PTP4A1: variants seen among roughly 807,000 people sequenced by gnomAD.
PTP4A1 encodes protein tyrosine phosphatase type IVA 1.
PTP4A1 carries 9 observed loss-of-function variants against 20.5 expected under a neutral mutation model. That is an observed-to-expected ratio of 0.44 (90% CI 0.26 to 0.77). The LOEUF is 0.77. Ranked by LOEUF, PTP4A1 falls within the 30% of genes least tolerant of loss-of-function variation. PTP4A1 has a pLI of 0.19. For synonymous variants in PTP4A1, 78 were observed against 67.4 expected (o/e 1.16, Z -0.77); for missense variants, 137 against 218.8 (o/e 0.63, Z 2.36).
Position 63,581,090 on chromosome 6 carries a change from T to C in PTP4A1, c.*916T>C, listed in dbSNP as rs538473796. The C allele has an allele frequency of 6.6e-6, 1 of 152,326 alleles. No individual in the cohort carries two copies. The highest frequency in any genetic ancestry group is 2.1e-4 in the South Asian group (1 of 4,830). The allele number at this position is 152,326 out of a possible 1,614,324, so 9.4% of individuals were successfully genotyped here. On this transcript the variant is annotated 3_prime_UTR_variant, in exon 6 of 6. Transcript: ENST00000626021. ...CTTCCTGAAATTCTTGTAATTTTTTTCCCATACTTATCAGAAGTGTGTTTA... is the reference window on the plus strand; with the variant it reads ...CTTCCTGAAATTCTTGTAATTTTTTCCCCATACTTATCAGAAGTGTGTTTA...
In PTP4A1 at chr6:63,572,667, T is replaced by C. The variant is rs1440326209; in HGVS notation, c.-498T>C. Reference sequence around the variant, plus strand: ...CGCCACCGCCTGTGTCGCCGCCGCCTCGGGACCGGCTGTATGATTAGGCCA... The same window carrying C: ...CGCCACCGCCTGTGTCGCCGCCGCCCCGGGACCGGCTGTATGATTAGGCCA... On this transcript the variant is annotated 5_prime_UTR_variant, in exon 1 of 6. Coordinates refer to ENST00000626021, the MANE Select transcript of PTP4A1 (RefSeq NM_003463.5). The C allele has an allele frequency of 4.4e-5, 18 of 410,112 alleles. No homozygotes were observed. The highest frequency in any genetic ancestry group is 7.2e-5 in the Non-Finnish European group (17 of 235,016). 25.4% of individuals were successfully genotyped at this position (410,112 alleles called of 1,614,324 possible). A position where few individuals can be genotyped will look rare whatever the true frequency, so the allele number is the denominator to read the frequency against.
chr6:63,522,283 T>C (rs973987584), intron 1 of PTP4A1, among the ~76,000 whole-genome samples: 6 of 152,248 alleles, frequency 3.9e-5, no homozygotes, highest in Admixed American at 2.0e-4. Flanking sequence ...TTTAGATGAA[T>C]TATTTGTATA....
Position 63,539,767 on chromosome 6 carries a change from CA to C in PTP4A1, c.-639-10520del, listed in dbSNP as rs34729616. 4.2e-3 allele frequency among the ~76,000 whole-genome samples: 537 copies of C among 129,006 alleles called. 1 individual carries two copies. The highest frequency in any genetic ancestry group is 0.013 in the South Asian group (53 of 4,166). The allele number at this position is 129,006 out of a possible 152,430, so 84.6% of individuals were successfully genotyped here. A position where few individuals can be genotyped will look rare whatever the true frequency, so the allele number is the denominator to read the frequency against. On this transcript the variant is annotated intron_variant, in intron 2 of 3. Coordinates refer to the PTP4A1 transcript ENST00000639568. The stretch of plus-strand genomic sequence containing the variant: ...CTGGCAACAGAGTGAGACTCTGTCT[CA>C]AAAAAAAAAAAATTGGCAAAGGATA...
chr6:63,546,945 A>G (rs1343096248), intron 2 of PTP4A1, among the ~76,000 whole-genome samples: 1 of 152,176 alleles, frequency 6.6e-6, no homozygotes, highest in Non-Finnish European at 1.5e-5. Context: ...CACCATAAAT[A>G]TATTTAATTT....
chr6:63,539,696 G>A (rs2149482808), intron 2 of PTP4A1, among the ~76,000 whole-genome samples: 1 of 152,184 alleles, frequency 6.6e-6, no homozygotes, highest in South Asian at 2.1e-4. Context: ...TTGAACCCGG[G>A]AGAGGGAGGT....
In PTP4A1 at chr6:63,582,584, ACTAT is replaced by A. The variant is rs1192026500; in HGVS notation, c.*2413_*2416del. On this transcript the variant is annotated 3_prime_UTR_variant, in exon 6 of 6. Transcript: ENST00000626021. ...TGAGTTGAAGTCTTGAATGCAGGAAACTATCTGATAGTGTTCTAAAATTTGGTTA... is the reference window on the plus strand; with the variant it reads ...TGAGTTGAAGTCTTGAATGCAGGAAACTGATAGTGTTCTAAAATTTGGTTA... 1 of 152,508 alleles carries A rather than the reference ACTAT, an allele frequency of 6.6e-6. No individual in the cohort carries two copies. Among genetic ancestry groups the A allele is most frequent in the South Asian group, 2.1e-4 (1 of 4,834 alleles). The allele number at this position is 152,508 out of a possible 1,614,324, so 9.4% of individuals were successfully genotyped here.
chr6:63,574,326 C>G (rs980420436), intron 1 of PTP4A1, among the ~76,000 whole-genome samples: 1 of 152,162 alleles, frequency 6.6e-6, no homozygotes, highest in Non-Finnish European at 1.5e-5. Flanking sequence ...CCTCTCCCTT[C>G]TTGTATATGA....
intron 2 of PTP4A1, chr6:63,548,588 A>C (rs1273735447): frequency 6.6e-6 from 2 of 301,048 alleles, no homozygotes; most frequent in African/African-American, 4.4e-5. Flanking sequence ...ACCAGGGTAC[A>C]TGGTAGAAAT....
intron 1 of PTP4A1, among the ~76,000 whole-genome samples, chr6:63,522,303 A>G (rs1367085170): frequency 1.3e-5 from 2 of 152,218 alleles, no homozygotes; most frequent in African/African-American, 2.4e-5. Context: ...AGTTATAAAG[A>G]TAAGATGTCC....
intron 2 of PTP4A1, among the ~76,000 whole-genome samples, chr6:63,544,354 T>G (rs1342872455): frequency 6.6e-5 from 10 of 152,354 alleles, no homozygotes; most frequent in Non-Finnish European, 5.9e-5. Flanking sequence ...TTCTCTATAC[T>G]GTTTGCAAGG....
At chr6:63,570,859 C>T (rs901263764), upstream of PTP4A1, 19 of 152,152 alleles carry the variant, frequency 1.2e-4, no homozygotes, top group African/African-American at 4.3e-4. Context: ...TGTCAAAAGC[C>T]TTTTGCCATA....
intron 2 of PTP4A1, among the ~76,000 whole-genome samples, chr6:63,545,972 TA>T (rs1776165136): frequency 6.6e-6 from 1 of 152,206 alleles, no homozygotes; most frequent in South Asian, 2.1e-4. Context: ...TTCAGAGTTT[TA>T]AAAATATTAA....
At chr6:63,550,267 A>G (rs1011238919) in intron 2 of PTP4A1, 2 of 152,194 alleles carry the variant, frequency 1.3e-5, no homozygotes, top group Non-Finnish European at 2.9e-5. Flanking sequence ...AAAAAAGATT[A>G]TGTGATTAAT....
intron 2 of PTP4A1, among the ~76,000 whole-genome samples, chr6:63,529,131 G>GTGTGTATATATATATGTATATATA (rs1562112355): frequency 7.6e-6 from 1 of 131,190 alleles, no homozygotes; most frequent in African/African-American, 3.1e-5. Context: ...GTATATATAT[G>GTGTGTATATATATATGTATATATA]TGTGTGTATA....
chr6:63,552,513 T>C (rs1776497061), intron 3 of PTP4A1, among the ~76,000 whole-genome samples: 1 of 152,250 alleles, frequency 6.6e-6, no homozygotes, highest in Non-Finnish European at 1.5e-5. Context: ...TAGTTTCTTT[T>C]ACTGTGCAGA....
intron 2 of PTP4A1, among the ~76,000 whole-genome samples, chr6:63,578,044 G>A (rs78046246): frequency 6.6e-6 from 1 of 151,862 alleles, no homozygotes; most frequent in African/African-American, 2.4e-5. Context: ...CAGATTACCC[G>A]ATTAGTTATA....
chr6:63,550,083 TTA>T (rs1331311743), intron 2 of PTP4A1, among the ~76,000 whole-genome samples: 1 of 152,214 alleles, frequency 6.6e-6, no homozygotes, highest in Non-Finnish European at 1.5e-5. Flanking sequence ...TGTGCAATTA[TTA>T]TGTGTCAACT....
In PTP4A1 at chr6:63,580,457, G is replaced by A. The variant is rs1306579794; in HGVS notation, c.*283G>A. On this transcript the variant is annotated 3_prime_UTR_variant, in exon 6 of 6. Transcript: ENST00000626021. ...CCCAAATCATGCAGTATTGAGTTAT[G>A]ACTTGTTAAATCTATTCCCATGCCA... is the stretch of plus-strand genomic sequence containing the variant. 6.9e-6 allele frequency: 2 copies of A among 288,480 alleles called. No homozygotes were observed. Among genetic ancestry groups the A allele is most frequent in the Non-Finnish European group, 6.6e-6 (1 of 150,888 alleles). 17.9% of individuals were successfully genotyped at this position (288,480 alleles called of 1,614,324 possible).
intron 3 of PTP4A1, among the ~76,000 whole-genome samples, chr6:63,553,678 G>T (rs138894307): frequency 6.6e-6 from 1 of 152,296 alleles, no homozygotes; most frequent in East Asian, 1.9e-4. Context: ...CACTGATTAG[G>T]TTGGGGGAAT....
Sources: gnomAD v4.1 joint callset for allele counts (sites outside exome capture counted in the v4.1 genomes callset) on GRCh38, gnomAD v4.1.1 for gene constraint, MANE v1.5 for transcripts, NCBI Gene and HGNC (gene_info 2026-07-23, HGNC 2026-07-21) for gene names.